Variants in TTLL5 observed in about 807,000 individuals in gnomAD.
TTLL5 encodes tubulin tyrosine ligase like 5.
A neutral mutation model predicts 168.4 loss-of-function variants in TTLL5; 132 were observed. The observed-to-expected ratio is 0.78, with a 90% confidence interval of 0.68 to 0.91. TTLL5 has a LOEUF of 0.91. Ranked by LOEUF, TTLL5 falls within the 40% of genes least tolerant of loss-of-function variation. The probability of loss-of-function intolerance (pLI) is 0.00; values close to 1 mark genes in which losing one functional copy is unlikely to be tolerated. For missense variants in TTLL5, 1,545 were observed against 1,581.5 expected (o/e 0.98, Z 0.39); for synonymous variants, 546 against 558.6 (o/e 0.98, Z 0.32).
intron 29 of TTLL5, among the ~76,000 whole-genome samples, chr14:75,875,815 A>G (rs991201490): frequency 1.3e-5 from 2 of 152,250 alleles, no homozygotes; most frequent in Admixed American, 6.5e-5. Context: ...AAATACATGC[A>G]TACATACATA....
At chr14:75,896,859 C>T (rs369597023) in intron 30 of TTLL5, among the ~76,000 whole-genome samples, 10 of 152,202 alleles carry the variant, frequency 6.6e-5, no homozygotes, top group African/African-American at 2.2e-4. Context: ...TCATTATAAC[C>T]CTCCTGGACT....
intron 27 of TTLL5, among the ~76,000 whole-genome samples, chr14:75,805,225 A>C (rs1339528314): frequency 1.3e-5 from 2 of 152,160 alleles, no homozygotes; most frequent in African/African-American, 2.4e-5. Flanking sequence ...CTTAGGTGAA[A>C]ATTTCCCTTA....
chr14:75,826,522 A>AT (rs1004460492), intron 28 of TTLL5, among the ~76,000 whole-genome samples: 1 of 152,082 alleles, frequency 6.6e-6, no homozygotes, highest in Non-Finnish European at 1.5e-5. Flanking sequence ...TGGTCAAATA[A>AT]TTTTTTTATT....
At chr14:75,845,860 G>A (rs868261033) in intron 28 of TTLL5, among the ~76,000 whole-genome samples, 8 of 152,074 alleles carry the variant, frequency 5.3e-5, no homozygotes, top group African/African-American at 9.7e-5. Context: ...ACACAATGGC[G>A]TCCCAGACCA....
intron 31 of TTLL5, among the ~76,000 whole-genome samples, chr14:75,926,987 G>A (rs956963903): frequency 6.6e-6 from 1 of 152,194 alleles, no homozygotes; most frequent in Non-Finnish European, 1.5e-5. Context: ...TGGGGCTGGC[G>A]GGGGCCGAGA....
intron 27 of TTLL5, among the ~76,000 whole-genome samples, chr14:75,799,732 T>C (rs1195331890): frequency 1.3e-5 from 2 of 152,204 alleles, no homozygotes; most frequent in Non-Finnish European, 2.9e-5. Context: ...TGAAGCTTCG[T>C]TTCACTGGAT....
intron 14 of TTLL5, among the ~76,000 whole-genome samples, chr14:75,734,518 G>A (rs2140237871): frequency 6.6e-6 from 1 of 152,228 alleles, no homozygotes; most frequent in Admixed American, 6.5e-5. Flanking sequence ...AGTCAGGTGG[G>A]TATTTTGTGG....
intron 28 of TTLL5, among the ~76,000 whole-genome samples, chr14:75,855,383 G>A (rs1157987809): frequency 6.6e-6 from 1 of 152,190 alleles, no homozygotes; most frequent in Non-Finnish European, 1.5e-5. Flanking sequence ...TACTGGAGAT[G>A]AATCAACATT....
intron 24 of TTLL5, among the ~76,000 whole-genome samples, chr14:75,781,634 A>C (rs759725575): frequency 4.0e-4 from 61 of 152,200 alleles, no homozygotes; most frequent in Non-Finnish European, 6.2e-4. Context: ...ATTATTGAAT[A>C]TACTGATCAA....
At chr14:75,953,713 A>G (rs781053517) in intron 31 of TTLL5, among the ~76,000 whole-genome samples, 3 of 152,212 alleles carry the variant, frequency 2.0e-5, no homozygotes, top group Non-Finnish European at 4.4e-5. Flanking sequence ...ACACTCTGAC[A>G]TTGAGGGAAA....
In TTLL5 at chr14:75,936,877, G is replaced by A. The variant is rs535531973; in HGVS notation, c.3824-17547G>A. Among the ~76,000 whole-genome samples, 7 of 152,296 alleles carry A rather than the reference G, an allele frequency of 4.6e-5. No homozygotes were observed. The East Asian group carries it at 1.3e-3, about 29-fold the overall frequency. On this transcript the variant is annotated intron_variant, in intron 31 of 31. Coordinates refer to ENST00000298832, the MANE Select transcript of TTLL5 (RefSeq NM_015072.5). The stretch of plus-strand genomic sequence containing the variant: ...AAGGGGCTGAAACCCTAAGCAGATG[G>A]GAAGTGTCACTAGGCAGACAAAAAT...
intron 12 of TTLL5, among the ~76,000 whole-genome samples, chr14:75,728,120 C>A (rs1888300230): frequency 6.6e-6 from 1 of 152,070 alleles, no homozygotes; most frequent in Non-Finnish European, 1.5e-5. Flanking sequence ...CTTTGGGAGG[C>A]CAAGGAGGGT....
At chr14:75,755,417 C>T (rs1386128594) in intron 18 of TTLL5, among the ~76,000 whole-genome samples, 1 of 151,996 alleles carries the variant, frequency 6.6e-6, no homozygotes. Context: ...TTTATACATC[C>T]ATATTCTTAC....
chr14:75,688,911 A>G (rs1885258105), intron 5 of TTLL5, among the ~76,000 whole-genome samples: 1 of 152,174 alleles, frequency 6.6e-6, no homozygotes, highest in African/African-American at 2.4e-5. Context: ...AGTTTAACAT[A>G]TGTGGTGATT....
At chr14:75,735,769 A>G (rs1888855873) in intron 15 of TTLL5, among the ~76,000 whole-genome samples, 1 of 152,206 alleles carries the variant, frequency 6.6e-6, no homozygotes, top group Admixed American at 6.5e-5. Context: ...AAAAGCCCAA[A>G]GAAACTTATA....
chr14:75,805,959 A>G (rs1595070762), intron 27 of TTLL5, among the ~76,000 whole-genome samples: 1 of 150,988 alleles, frequency 6.6e-6, no homozygotes, highest in African/African-American at 2.4e-5. Flanking sequence ...GAGAGCTGCA[A>G]TTACCTTTTC....
At chr14:75,755,360 T>A (rs1383507459) in intron 18 of TTLL5, among the ~76,000 whole-genome samples, 1 of 152,118 alleles carries the variant, frequency 6.6e-6, no homozygotes, top group Non-Finnish European at 1.5e-5. Context: ...CTTTTTAGCC[T>A]AATTGTCACT....
Position 75,724,243 on chromosome 14 carries a change from C to T in TTLL5, c.1042+3540C>T, listed in dbSNP as rs1056460611. Reference sequence around the variant, plus strand: ...ATCCTATGATTTCTTTCCCATCCTACCACCTGTAATGTTCAACTATGTTTC... The same window carrying T: ...ATCCTATGATTTCTTTCCCATCCTATCACCTGTAATGTTCAACTATGTTTC... On this transcript the variant is annotated intron_variant, in intron 12 of 31. Transcript: ENST00000298832. Among the ~76,000 whole-genome samples the T allele has an allele frequency of 5.9e-5, 9 of 152,182 alleles. No individual in the cohort carries two copies. The East Asian group carries it at 1.7e-3, about 29-fold the overall frequency.
At position 75,685,921 on chromosome 14, in the gene TTLL5, T is replaced by C. The variant is rs751279735; in HGVS notation, c.371+2265T>C. On this transcript the variant is annotated intron_variant, in intron 5 of 31. Coordinates refer to ENST00000298832, the MANE Select transcript of TTLL5 (RefSeq NM_015072.5). ...GGTACTTGTTTAAAATGCAGAATCC[T>C]GGGCTTCATCCCAGAATTTTGAGAG... 2.0e-5 allele frequency among the ~76,000 whole-genome samples: 3 copies of C among 152,344 alleles called. No homozygotes were observed. In the East Asian group the frequency reaches 5.8e-4, roughly 29 times the overall value.
Sources: allele counts gnomAD v4.1 joint callset (sites outside exome capture counted in the v4.1 genomes callset), GRCh38; gene constraint gnomAD v4.1.1; transcripts MANE v1.5; gene names NCBI Gene and HGNC (gene_info 2026-07-23, HGNC 2026-07-21).